TUBB4A: variants seen among roughly 807,000 people sequenced by gnomAD.
The protein encoded by TUBB4A is tubulin beta 4A class IVa.
In TUBB4A, 13 loss-of-function variants were observed where a neutral mutation model predicts 35.1. The ratio of observed to expected loss-of-function variants is 0.37; its 90% CI spans 0.24 to 0.59. TUBB4A has a LOEUF of 0.59. Among genes scored for constraint, TUBB4A ranks in the 20% least tolerant of loss-of-function variants. TUBB4A has a pLI of 0.71. For missense variants in TUBB4A, 299 were observed against 647.2 expected (o/e 0.46, Z 5.84); for synonymous variants, 279 against 272.4 (o/e 1.02, Z -0.24).
chr19:6,501,701 T>G lies in TUBB4A; in HGVS notation c.58-78A>C. 1 of 1,162,670 alleles carries G rather than the reference T, an allele frequency of 8.6e-7. No individual in the cohort carries two copies. Among genetic ancestry groups the G allele is most frequent in the Non-Finnish European group, 1.3e-6 (1 of 794,018 alleles). 72.0% of individuals were successfully genotyped at this position (1,162,670 alleles called of 1,614,324 possible). A position where few individuals can be genotyped will look rare whatever the true frequency, so the allele number is the denominator to read the frequency against. ...CCGAGGACTGCCCCCAGCCCCCAAC[T>G]AGCTCCCTAGCTGCCACCTCTCCCC... On this transcript the variant is annotated intron_variant, in intron 1 of 3. Transcript: ENST00000264071. The surrounding 1 kb of genome is among the most constrained non-coding windows in gnomAD (Gnocchi z 4.2).
At chr19:6,502,314 C>A, upstream of TUBB4A, 1 of 1,319,396 alleles carries the variant, frequency 7.6e-7, no homozygotes, top group Non-Finnish European at 9.9e-7. Context: ...GAGCACGGTC[C>A]CTGCGCCCCC....
Position 6,501,562 on chromosome 19 carries a change from C to T in TUBB4A, c.119G>A (p.Ser40Asn), listed in dbSNP as rs1325136364. ...GTTGATCCTCTCCAGTTGCAGGTCA[C>T]TGTCCCCATGGTATGTGCCTGTGGG... is the stretch of plus-strand genomic sequence containing the variant. ...IDPTGTYHGDSDLQLERINVY... is the reference protein window; with the variant it reads ...IDPTGTYHGDNDLQLERINVY... Residue 40 changes from serine (S) to asparagine (N), a missense_variant, in exon 2 of 4, where the codon AGT (serine) becomes AAT (asparagine). Around this residue, in one of 5 missense-constraint regions of TUBB4A, gnomAD observed 123 missense variants for 226.0 expected, o/e 0.54. Transcript: ENST00000264071. This position sits in a 1 kb window ranked among gnomAD's most constrained non-coding sequence, Gnocchi z 4.2. 2 of 1,614,200 alleles carry T rather than the reference C, an allele frequency of 1.2e-6. No homozygotes were observed. Among genetic ancestry groups the T allele is most frequent in the Non-Finnish European group, 8.5e-7 (1 of 1,180,020 alleles).
At chr19:6,497,804 G>T (rs1914321980) in intron 3 of TUBB4A, among the ~76,000 whole-genome samples, 1 of 149,822 alleles carries the variant, frequency 6.7e-6, no homozygotes, top group South Asian at 2.1e-4. Flanking sequence ...GAGGTGGCGG[G>T]CGCCTGTAGT....
chr19:6,500,084 C>T lies in TUBB4A; in HGVS notation c.277+1203G>A, dbSNP rs543654482. ...GGGATTACAGGTGTGAGCCACCGTGCCCACCCTGAGCCTCACAATTCTAAT... is the reference window on the plus strand; with the variant it reads ...GGGATTACAGGTGTGAGCCACCGTGTCCACCCTGAGCCTCACAATTCTAAT... On this transcript the variant is annotated intron_variant, in intron 3 of 3. Transcript: ENST00000264071. Among the ~76,000 whole-genome samples the T allele has an allele frequency of 7.9e-5, 12 of 152,156 alleles. No homozygotes were observed. The South Asian group carries it at 2.5e-3, about 32-fold the overall frequency.
chr19:6,501,331 GA>G lies in TUBB4A; in HGVS notation c.232del (p.Ser78LeufsTer42). 6.2e-7 allele frequency: 1 copy of G among 1,614,206 alleles called. No individual in the cohort carries two copies. On this transcript the variant is annotated frameshift_variant, in exon 3 of 4. Transcript: ENST00000264071. LOFTEE classifies it high-confidence loss of function. The surrounding 1 kb of genome is among the most constrained non-coding windows in gnomAD (Gnocchi z 4.2). ...CCGAAAGATCTGACCGAAGGGGCCA[GA>G]ACGGACAGAGTCCATGGTGCCGGGT... ...LEPGTMDSVR[S>X]GPFGQIFRPD...
chr19:6,502,319 G>T, upstream of TUBB4A: 2 of 1,261,840 alleles, frequency 1.6e-6, no homozygotes, highest in Non-Finnish European at 2.1e-6. Flanking sequence ...CGGTCCCTGC[G>T]CCCCCGGGAG....
At chr19:6,498,655 T>G (rs911186021) in intron 3 of TUBB4A, among the ~76,000 whole-genome samples, 4 of 152,194 alleles carry the variant, frequency 2.6e-5, no homozygotes, top group African/African-American at 9.6e-5. Flanking sequence ...CCCCCAGGTA[T>G]TCACCTGACT....
intron 3 of TUBB4A, among the ~76,000 whole-genome samples, chr19:6,497,024 AATATATATATAT>A (rs1192524805): frequency 0.042 from 923 of 21,926 alleles, 38 homozygotes; most frequent in Middle Eastern, 0.071. Context: ...AAAAAAAAAA[AATATATATATAT>A]ATATATATAT....
intron 3 of TUBB4A, among the ~76,000 whole-genome samples, chr19:6,498,441 G>C (rs562853692): frequency 6.6e-6 from 1 of 152,018 alleles, no homozygotes; most frequent in Non-Finnish European, 1.5e-5. Flanking sequence ...GTCAGGTCCC[G>C]TCCCTCCTCT....
Position 6,501,457 on chromosome 19 carries a change from G to T in TUBB4A, c.166+58C>A. ...TGCCAGGAACCACAGGCGCCCGGTA[G>T]CATCCTGTTCCCTCCCAGCTGCCCC... On this transcript the variant is annotated intron_variant, in intron 2 of 3. Coordinates refer to ENST00000264071, the MANE Select transcript of TUBB4A (RefSeq NM_006087.4). This position sits in a 1 kb window ranked among gnomAD's most constrained non-coding sequence, Gnocchi z 4.2. 6.2e-7 allele frequency: 1 copy of T among 1,603,486 alleles called. No individual in the cohort carries two copies.
chr19:6,501,649 T>C lies in TUBB4A; in HGVS notation c.58-26A>G. On this transcript the variant is annotated intron_variant, in intron 1 of 3. Coordinates refer to ENST00000264071, the MANE Select transcript of TUBB4A (RefSeq NM_006087.4). This position sits in a 1 kb window ranked among gnomAD's most constrained non-coding sequence, Gnocchi z 4.2. Reference sequence around the variant, plus strand: ...CTAGAGAGAGAGGTGGTCGGAAGAGTTGAGAGAGGGGAAGCCGGTGGCCAA... The same window carrying C: ...CTAGAGAGAGAGGTGGTCGGAAGAGCTGAGAGAGGGGAAGCCGGTGGCCAA... The C allele has an allele frequency of 6.3e-7, 1 of 1,598,356 alleles. No homozygotes were observed. The highest frequency in any genetic ancestry group is 8.6e-7 in the Non-Finnish European group (1 of 1,169,310).
In TUBB4A at chr19:6,495,784, AG is replaced by A; in HGVS notation, c.714del (p.Cys239AlafsTer8). 6.2e-7 allele frequency: 1 copy of A among 1,614,200 alleles called. No individual in the cohort carries two copies. Among genetic ancestry groups the A allele is most frequent in the Non-Finnish European group, 8.5e-7 (1 of 1,180,022 alleles). On this transcript the variant is annotated frameshift_variant, in exon 4 of 4. Coordinates refer to ENST00000264071, the MANE Select transcript of TUBB4A (RefSeq NM_006087.4). LOFTEE classifies it high-confidence loss of function. This position sits in a 1 kb window ranked among gnomAD's most constrained non-coding sequence, Gnocchi z 8.7. ...LVSATMSGVT[T>X]CLRFPGQLNA... ...TTCAGCTGGCCCGGGAAGCGCAGGC[AG>A]GTGGTGACCCCGCTCATGGTGGCCG... is the stretch of plus-strand genomic sequence containing the variant.
chr19:6,502,097 C>T, intron 1 of TUBB4A, 59 bp downstream of exon 1: 1 of 1,500,064 alleles, frequency 6.7e-7, no homozygotes, highest in Admixed American at 2.2e-5. Context: ...CTCCGGGGAC[C>T]GACCCCGCGG....
chr19:6,498,038 C>T (rs548773211), intron 3 of TUBB4A, among the ~76,000 whole-genome samples: 2 of 151,422 alleles, frequency 1.3e-5, no homozygotes, highest in Admixed American at 6.6e-5. Flanking sequence ...GGTGAAACCC[C>T]GTCTCTACTA....
At chr19:6,497,244 A>C (rs1438581728) in intron 3 of TUBB4A, among the ~76,000 whole-genome samples, 1 of 150,582 alleles carries the variant, frequency 6.6e-6, no homozygotes, top group Non-Finnish European at 1.5e-5. Flanking sequence ...TAAAAAGATT[A>C]ATATTTAACA....
At position 6,501,360 on chromosome 19, in the gene TUBB4A, C is replaced by G. The variant is rs762248756; in HGVS notation, c.204G>C (p.Leu68=). ...GGACAGAGTCCATGGTGCCGGGTTCCAGGTCCACCAGCACCGCTCTGGGGA... is the reference window on the plus strand; with the variant it reads ...GGACAGAGTCCATGGTGCCGGGTTCGAGGTCCACCAGCACCGCTCTGGGGA... ...NYVPRAVLVD[L]EPGTMDSVRS... Residue 68 remains leucine (L), a synonymous_variant, in exon 3 of 4, where the codon CTG becomes CTC. Transcript: ENST00000264071. The surrounding 1 kb of genome is among the most constrained non-coding windows in gnomAD (Gnocchi z 4.2). 3.1e-6 allele frequency: 5 copies of G among 1,614,126 alleles called. No homozygotes were observed. The highest frequency in any genetic ancestry group is 4.2e-6 in the Non-Finnish European group (5 of 1,179,984).
At chr19:6,498,055 G>C (rs1023325756) in intron 3 of TUBB4A, among the ~76,000 whole-genome samples, 2 of 151,260 alleles carry the variant, frequency 1.3e-5, no homozygotes, top group African/African-American at 2.4e-5. Flanking sequence ...ACTAAAAATA[G>C]AAAAAATTAG....
upstream of TUBB4A, chr19:6,502,483 C>T (rs1914589629): frequency 4.5e-6 from 2 of 446,962 alleles, no homozygotes; most frequent in Admixed American, 4.6e-5. Context: ...TCCGGGACGC[C>T]ACGTGCTCCG....
At chr19:6,502,119 GC>G (rs1238598961) in intron 1 of TUBB4A, 36 bp downstream of exon 1, 8 of 1,534,060 alleles carry the variant, frequency 5.2e-6, no homozygotes, top group Non-Finnish European at 7.0e-6. Context: ...GCTCCCCGGG[GC>G]CGCCACTGCC....
Sources: gnomAD v4.1 joint callset for allele counts (sites outside exome capture counted in the v4.1 genomes callset) on GRCh38, gnomAD v4.1.1 for gene constraint, gnomAD v4.1.1 regional missense constraint, Gnocchi (gnomAD v3.1) non-coding constraint, MANE v1.5 for transcripts, NCBI Gene and HGNC (gene_info 2026-07-23, HGNC 2026-07-21) for gene names.